RIF1: variants seen among roughly 807,000 people sequenced by gnomAD.
RIF1 encodes replication timing regulatory factor 1.
Under a neutral mutation model 247.1 loss-of-function variants are expected in RIF1, and 45 were observed. That is an observed-to-expected ratio of 0.18 (90% confidence interval 0.14 to 0.23). The LOEUF is 0.23. Ranked by LOEUF, RIF1 falls within the 10% of genes least tolerant of loss-of-function variation. The pLI, the probability that RIF1 is intolerant of heterozygous loss-of-function variation, is 1.00. For missense variants in RIF1, 2,967 were observed against 2,862.5 expected (o/e 1.04, Z -0.83); for synonymous variants, 1,087 against 978.8 (o/e 1.11, Z -2.06).
chr2:151,441,175 C>T (rs917303903), intron 15 of RIF1, among the ~76,000 whole-genome samples: 5 of 151,950 alleles, frequency 3.3e-5, no homozygotes, highest in African/African-American at 9.7e-5. Context: ...GAGCCAAGAT[C>T]GTGCCACTGC....
In RIF1 at chr2:151,410,372, C is replaced by T. The variant is rs535698183; in HGVS notation, c.-10-42C>T. 1.3e-5 allele frequency: 20 copies of T among 1,528,446 alleles called. No individual in the cohort carries two copies. The South Asian group carries it at 1.5e-4, about 11-fold the overall frequency. The allele number at this position is 1,528,446 out of a possible 1,614,324, so 94.7% of individuals were successfully genotyped here. On this transcript the variant is annotated intron_variant, in intron 1 of 35. Transcript: ENST00000444746. The stretch of plus-strand genomic sequence containing the variant: ...CACTGGGCCGCCGCGGGGCTGTTTC[C>T]ATCGGTCACTGGATTTTCTCCTCTT...
intron 35 of RIF1, among the ~76,000 whole-genome samples, chr2:151,474,321 G>A (rs183702961): frequency 5.0e-4 from 76 of 152,294 alleles, no homozygotes; most frequent in Admixed American, 1.4e-3. Context: ...AATAAATGAA[G>A]TAGTCTACCA....
chr2:151,473,314 T>TTA (rs2048709497), intron 34 of RIF1, among the ~76,000 whole-genome samples: 1 of 127,018 alleles, frequency 7.9e-6, no homozygotes, highest in African/African-American at 2.8e-5. Flanking sequence ...TTTTTTTTTT[T>TTA]AAATACAGTG....
chr2:151,503,071 G>A, exon 12 of RIF1: 1 of 580,672 alleles, frequency 1.7e-6, no homozygotes, highest in Non-Finnish European at 3.0e-6. Flanking sequence ...TTCTGGAAAT[G>A]AAAAAGTACA....
chr2:151,453,843 C>G (rs1226683543), intron 21 of RIF1, among the ~76,000 whole-genome samples: 2 of 152,176 alleles, frequency 1.3e-5, no homozygotes, highest in Non-Finnish European at 2.9e-5. Context: ...TTGCTTGTTT[C>G]TCTAGATACA....
intron 9 of RIF1, chr2:151,495,145 T>C (rs984973914): frequency 2.6e-5 from 4 of 152,252 alleles, no homozygotes; most frequent in African/African-American, 9.6e-5. Context: ...TTGGCTCTTA[T>C]ATCACTATCA....
intron 10 of RIF1, among the ~76,000 whole-genome samples, chr2:151,434,207 G>A (rs961519582): frequency 6.6e-6 from 1 of 151,776 alleles, no homozygotes; most frequent in African/African-American, 2.4e-5. Flanking sequence ...GCTACACTGG[G>A]TAGATACAAG....
chr2:151,531,920 A>G, the RIF1 span: 1 of 1,487,410 alleles, frequency 6.7e-7, no homozygotes, highest in Non-Finnish European at 9.3e-7. Flanking sequence ...GAGAAGAAAG[A>G]GCTCTAAGAA....
the RIF1 span, chr2:151,520,039 C>CA: frequency 4.2e-3 from 674 of 158,980 alleles, 2 homozygotes; most frequent in Middle Eastern, 7.4e-3. Context: ...TAATGCAAAA[C>CA]AAAAAAAAAA....
rs374686638 is a variant in RIF1 at position 151,465,111 on chromosome 2, C to T, written c.5591C>T (p.Pro1864Leu). ...SPNENFKTVG[P>L]CLGDSKNVSQ... is the part of the protein sequence containing the mutation. Reference sequence around the variant, plus strand: ...AATGAAAATTTTAAAACTGTTGGCCCGTGTTTAGGAGACTCGAAAAATGTT... The same window carrying T: ...AATGAAAATTTTAAAACTGTTGGCCTGTGTTTAGGAGACTCGAAAAATGTT... Residue 1864 changes from proline (P) to leucine (L), a missense_variant, in exon 30 of 36, where the codon CCG becomes CTG. Pro to Leu is a moderately conservative substitution (Grantham distance 98, BLOSUM62 -3). This residue lies in a region of RIF1 where 2,028 missense variants were observed against 1,825.6 expected (regional missense o/e 1.11). Coordinates refer to ENST00000444746, the MANE Select transcript of RIF1 (RefSeq NM_018151.5). The T allele has an allele frequency of 1.1e-5, 18 of 1,609,074 alleles. No homozygotes were observed. The highest frequency in any genetic ancestry group is 4.5e-5 in the East Asian group (2 of 44,836).
chr2:151,462,530 A>G, intron 29 of RIF1, 64 bp downstream of exon 29: 1 of 1,039,810 alleles, frequency 9.6e-7, no homozygotes, highest in East Asian at 2.5e-5. Context: ...AGTCTGTTAA[A>G]CTGCTGAAAT....
chr2:151,483,631 CT>C, downstream of RIF1, among the ~76,000 whole-genome samples: 1 of 152,262 alleles, frequency 6.6e-6, no homozygotes, highest in East Asian at 1.9e-4. Context: ...GTAAAATGAC[CT>C]AATATTAGCA....
chr2:151,438,623 A>T, intron 13 of RIF1, 61 bp from the exon 14 acceptor site: 3 of 1,004,404 alleles, frequency 3.0e-6, no homozygotes, highest in Non-Finnish European at 4.8e-6. Flanking sequence ...GGAGAGTGTT[A>T]GTCATAGTAC....
At position 151,462,916 on chromosome 2, in the gene RIF1, T is replaced by C. The variant is rs769043762; in HGVS notation, c.3396T>C (p.Pro1132=). The change falls in exon 30 of 36, where the codon CCT becomes CCC. Residue 1132 remains proline, a synonymous_variant. Transcript: ENST00000444746. ...AAATGGACAGTGACATTGTCATTCC[T>C]CAAGATGTCACGGAAGACTGTGGTA... ...EEQMDSDIVI[P]QDVTEDCGMA... 2.5e-6 allele frequency: 4 copies of C among 1,610,566 alleles called. No individual in the cohort carries two copies. Among genetic ancestry groups the C allele is most frequent in the Non-Finnish European group, 1.7e-6 (2 of 1,178,870 alleles).
chr2:151,456,813 A>G (rs901858019), intron 23 of RIF1, among the ~76,000 whole-genome samples, 193 bp downstream of exon 23: 2 of 151,396 alleles, frequency 1.3e-5, no homozygotes, highest in African/African-American at 2.4e-5. Context: ...GCTCACTGCA[A>G]CCTCCACCTC....
At chr2:151,436,344 A>T (rs1157444930) in intron 11 of RIF1, among the ~76,000 whole-genome samples, 1 of 152,090 alleles carries the variant, frequency 6.6e-6, no homozygotes, top group African/African-American at 2.4e-5. Flanking sequence ...GTTGGATACC[A>T]CCTGTGCTAC....
intron 27 of RIF1, 90 bp from the exon 28 acceptor site, chr2:151,462,152 C>A: frequency 2.4e-6 from 2 of 823,494 alleles, no homozygotes; most frequent in Non-Finnish European, 3.7e-6. Flanking sequence ...GGATTACAGG[C>A]GTGAGCCACC....
Position 151,458,898 on chromosome 2 carries a change from A to G in RIF1, c.2943A>G (p.Pro981=), listed in dbSNP as rs1016880285. ...AAATGATGGAGGAATCCAGTGGACCATATTCTGATGGAGTAAGTTGGGGGG... is the reference window on the plus strand; with the variant it reads ...AAATGATGGAGGAATCCAGTGGACCGTATTCTGATGGAGTAAGTTGGGGGG... The part of the protein sequence containing the change: ...TVEMMEESSG[P]YSDGTENSQL... Residue 981 remains proline, a synonymous_variant, in exon 25 of 36, where the codon CCA becomes CCG. Coordinates refer to ENST00000444746, the MANE Select transcript of RIF1 (RefSeq NM_018151.5). The G allele has an allele frequency of 6.3e-7, 1 of 1,594,918 alleles. No homozygotes were observed. Among genetic ancestry groups the G allele is most frequent in the Non-Finnish European group, 8.6e-7 (1 of 1,165,730 alleles).
At chr2:151,514,910 A>G in the RIF1 span, 1 of 1,570,738 alleles carries the variant, frequency 6.4e-7, no homozygotes, top group African/African-American at 1.3e-5. Context: ...GACTCTTCAT[A>G]ATCTTTCCTA....
Sources: gnomAD v4.1 joint callset for allele counts (sites outside exome capture counted in the v4.1 genomes callset) on GRCh38, gnomAD v4.1.1 for gene constraint, gnomAD v4.1.1 regional missense constraint, MANE v1.5 for transcripts, NCBI Gene and HGNC (gene_info 2026-07-23, HGNC 2026-07-21) for gene names.